DTNA: variants seen among roughly 807,000 people sequenced by gnomAD.
DTNA encodes dystrobrevin alpha, also known as dystrophin-related protein 3.
Under a neutral mutation model 100.7 loss-of-function variants are expected in DTNA, and 43 were observed. That is an observed-to-expected ratio of 0.43 (90% CI 0.33 to 0.55). The LOEUF (loss-of-function observed/expected upper bound fraction) is 0.55. Ranked by LOEUF, DTNA falls within the 20% of genes least tolerant of loss-of-function variation. The probability of loss-of-function intolerance (pLI) is 0.04; values close to 1 mark genes in which losing one functional copy is unlikely to be tolerated. For missense variants in DTNA, 798 were observed against 953.9 expected (o/e 0.84, Z 2.15); for synonymous variants, 349 against 347.9 (o/e 1.00, Z -0.04).
At position 34,722,866 on chromosome 18, in the gene DTNA, A is replaced by G. The variant is rs78624699; in HGVS notation, c.-2+12421A>G. Reference sequence around the variant, plus strand: ...ACTCAGTATAATTGTTTTGTGACTTATCTACATTGTGTGTATCAACAATGT... The same window carrying G: ...ACTCAGTATAATTGTTTTGTGACTTGTCTACATTGTGTGTATCAACAATGT... On this transcript the variant is annotated intron_variant, in intron 1 of 22. Transcript: ENST00000444659. 7.4e-3 allele frequency among the ~76,000 whole-genome samples: 1,130 copies of G among 152,280 alleles called. 14 individuals carry two copies. Among genetic ancestry groups the G allele is most frequent in the African/African-American group, 0.025 (1,054 of 41,568 alleles).
At chr18:34,553,332 C>T (rs1359948495) in intron 1 of DTNA, among the ~76,000 whole-genome samples, 1 of 151,440 alleles carries the variant, frequency 6.6e-6, no homozygotes, top group African/African-American at 2.4e-5. Context: ...TGTAGGTTGC[C>T]CGTTCACTCT....
At chr18:34,599,036 C>T (rs896437090) in intron 1 of DTNA, among the ~76,000 whole-genome samples, 3 of 152,096 alleles carry the variant, frequency 2.0e-5, no homozygotes, top group African/African-American at 7.2e-5. Context: ...TAATTTTATA[C>T]TCTTTGGACC....
intron 16 of DTNA, among the ~76,000 whole-genome samples, chr18:34,862,451 TA>T (rs905226169): frequency 2.6e-5 from 4 of 151,548 alleles, no homozygotes; most frequent in African/African-American, 9.7e-5. Context: ...GTTAAAAATA[TA>T]AATTTATTCA....
intron 1 of DTNA, among the ~76,000 whole-genome samples, chr18:34,660,441 G>C (rs914649822): frequency 1.3e-5 from 2 of 151,544 alleles, no homozygotes; most frequent in African/African-American, 4.9e-5. Flanking sequence ...GGCCCTGAAA[G>C]ATATCAAAGT....
intron 1 of DTNA, among the ~76,000 whole-genome samples, chr18:34,604,273 C>T (rs970572725): frequency 3.3e-5 from 5 of 152,012 alleles, no homozygotes; most frequent in East Asian, 1.9e-4. Context: ...TCAAAATAAG[C>T]GATAAATCAA....
At chr18:34,723,861 T>C (rs2085950565) in intron 1 of DTNA, among the ~76,000 whole-genome samples, 1 of 151,406 alleles carries the variant, frequency 6.6e-6, no homozygotes, top group African/African-American at 2.4e-5. Context: ...ATCGTGCCAC[T>C]GCACTCCAGC....
chr18:34,538,823 T>G (rs1158727982), intron 1 of DTNA, among the ~76,000 whole-genome samples: 2 of 151,950 alleles, frequency 1.3e-5, no homozygotes, highest in Non-Finnish European at 2.9e-5. Flanking sequence ...TAATTGTATG[T>G]GTACAGTCTT....
intron 3 of DTNA, among the ~76,000 whole-genome samples, chr18:34,766,678 T>C (rs2093492872): frequency 6.6e-6 from 1 of 152,116 alleles, no homozygotes; most frequent in Non-Finnish European, 1.5e-5. Flanking sequence ...GTAATAATAA[T>C]AAAATAAAAT....
At chr18:34,555,868 C>G (rs2045976527) in intron 1 of DTNA, among the ~76,000 whole-genome samples, 1 of 152,104 alleles carries the variant, frequency 6.6e-6, no homozygotes, top group Non-Finnish European at 1.5e-5. Context: ...GTGGAGAGTT[C>G]TTAGATGTCT....
At chr18:34,641,713 G>A (rs1466143974) in intron 1 of DTNA, among the ~76,000 whole-genome samples, 1 of 152,108 alleles carries the variant, frequency 6.6e-6, no homozygotes, top group Non-Finnish European at 1.5e-5. Flanking sequence ...TGTGTTTCAG[G>A]CATAAACAGA....
Position 34,523,053 on chromosome 18 carries a change from A to G in DTNA, c.-2+29539A>G, listed in dbSNP as rs546168130. ...GTTTCAGTCCCACTTTAGAAAGCTT[A>G]TGAAGTAACTTGTTAGAGACCCTCT... On this transcript the variant is annotated intron_variant, in intron 1 of 19. Transcript: ENST00000283365. Among the ~76,000 whole-genome samples, 11 of 152,342 alleles carry G rather than the reference A, an allele frequency of 7.2e-5. No homozygotes were observed. The South Asian group carries it at 1.9e-3, about 26-fold the overall frequency.
chr18:34,881,459 T>C (rs941299182), intron 20 of DTNA, among the ~76,000 whole-genome samples: 13 of 148,038 alleles, frequency 8.8e-5, no homozygotes, highest in South Asian at 8.7e-4. Context: ...TTTTTTTTTT[T>C]TTTCAGATTT....
chr18:34,829,069 T>C (rs2095934849), intron 10 of DTNA: 9 of 1,614,194 alleles, frequency 5.6e-6, no homozygotes, highest in Non-Finnish European at 7.6e-6. Flanking sequence ...TGGATGCGTC[T>C]AGATGGATAA....
intron 1 of DTNA, among the ~76,000 whole-genome samples, chr18:34,558,463 G>C (rs1403741641): frequency 6.6e-6 from 1 of 152,124 alleles, no homozygotes; most frequent in African/African-American, 2.4e-5. Flanking sequence ...TTGTGTGTCA[G>C]ACACTATTCT....
intron 3 of DTNA, among the ~76,000 whole-genome samples, chr18:34,775,993 G>A (rs564425957): frequency 1.6e-4 from 25 of 152,320 alleles, no homozygotes; most frequent in Non-Finnish European, 2.8e-4. Context: ...AGTGACATCT[G>A]TGAGAAAGAA....
intron 17 of DTNA, among the ~76,000 whole-genome samples, chr18:34,871,608 G>A (rs1176032727): frequency 6.6e-6 from 1 of 152,150 alleles, no homozygotes; most frequent in Admixed American, 6.5e-5. Context: ...CCAGGCTGGA[G>A]GCCACCATCC....
chr18:34,798,476 C>G (rs2095078210), intron 4 of DTNA, among the ~76,000 whole-genome samples: 1 of 152,036 alleles, frequency 6.6e-6, no homozygotes, highest in Non-Finnish European at 1.5e-5. Context: ...TTACAAAAGA[C>G]TTCTATGTAC....
At chr18:34,668,512 G>A (rs2076270241) in intron 1 of DTNA, among the ~76,000 whole-genome samples, 2 of 151,914 alleles carry the variant, frequency 1.3e-5, no homozygotes. Flanking sequence ...TTTTAATTGT[G>A]ATGTTAGGGT....
At chr18:34,815,123 T>A (rs981540803) in intron 6 of DTNA, among the ~76,000 whole-genome samples, 3 of 152,008 alleles carry the variant, frequency 2.0e-5, no homozygotes, top group East Asian at 1.9e-4. Flanking sequence ...TTTTAAAAAA[T>A]AAATAAATAA....
Sources: allele counts gnomAD v4.1 joint callset (sites outside exome capture counted in the v4.1 genomes callset), GRCh38; gene constraint gnomAD v4.1.1; transcripts MANE v1.5; gene names NCBI Gene and HGNC (gene_info 2026-07-23, HGNC 2026-07-21).